The following SYNM variants were observed in gnomAD, a reference collection of about 807,000 sequenced individuals.
SYNM encodes the protein synemin, also known as desmuslin.
SYNM carries 95 observed loss-of-function variants against 104.0 expected under a neutral mutation model. That is an observed-to-expected ratio of 0.91 (90% confidence interval 0.77 to 1.08). The LOEUF (loss-of-function observed/expected upper bound fraction) is 1.08, where lower values mean the gene tolerates loss of function less well. SYNM is among the 50% of genes least tolerant of loss of function. The pLI, the probability that SYNM is intolerant of heterozygous loss-of-function variation, is 0.00. For missense variants in SYNM, 2,150 were observed against 2,052.2 expected (o/e 1.05, Z -0.92); for synonymous variants, 918 against 869.0 (o/e 1.06, Z -0.99).
chr15:99,113,219 T>G (rs2067316003), intron 1 of SYNM, among the ~76,000 whole-genome samples: 1 of 152,202 alleles, frequency 6.6e-6, no homozygotes, highest in Non-Finnish European at 1.5e-5. Flanking sequence ...ACCCCTGATT[T>G]CTAGTCTTGG....
intron 2 of SYNM, among the ~76,000 whole-genome samples, chr15:99,124,228 C>T (rs1226158743): frequency 7.9e-5 from 12 of 152,206 alleles, no homozygotes; most frequent in Non-Finnish European, 1.2e-4. Context: ...TAAAGTGGTA[C>T]GAACCTATTC....
intron 2 of SYNM, among the ~76,000 whole-genome samples, chr15:99,122,864 T>C (rs1294957162): frequency 6.6e-6 from 1 of 152,094 alleles, no homozygotes; most frequent in Admixed American, 6.6e-5. Context: ...ATAGAATATA[T>C]AATTGAAAGG....
rs1555482623 is a variant in SYNM at position 99,105,848 on chromosome 15, C to G, written c.649C>G (p.Gln217Glu). ...RELEEALRRG[Q>E]ESRLQAEEET... is the part of the protein sequence containing the mutation. The stretch of plus-strand genomic sequence containing the variant: ...GCTGGAGGAGGCGCTGCGGCGCGGC[C>G]AGGAGAGCAGACTCCAGGCGGAGGA... Residue 217 changes from glutamine (Q) to glutamate (E), a missense_variant, in exon 1 of 4, where the codon CAG (glutamine) becomes GAG (glutamate). Coordinates refer to ENST00000336292, the MANE Select transcript of SYNM (RefSeq NM_145728.3). The G allele has an allele frequency of 6.5e-7, 1 of 1,542,142 alleles. No homozygotes were observed. The highest frequency in any genetic ancestry group is 2.0e-5 in the Admixed American group (1 of 50,872).
At chr15:99,139,458 T>C, downstream of SYNM, 1 of 1,610,108 alleles carries the variant, frequency 6.2e-7, no homozygotes, top group Non-Finnish European at 8.5e-7. Flanking sequence ...AGCAGGAAAC[T>C]AAGGTCTCCC....
At chr15:99,128,986 T>G (rs2067472469) in intron 3 of SYNM, 1 of 193,344 alleles carries the variant, frequency 5.2e-6, no homozygotes. Flanking sequence ...TAAATTAAAC[T>G]TACCTCAAAA....
rs1476639450 is a variant in SYNM at position 99,133,220 on chromosome 15, G to A, written c.*162G>A. On this transcript the variant is annotated 3_prime_UTR_variant, in exon 4 of 4. Coordinates refer to ENST00000336292, the MANE Select transcript of SYNM (RefSeq NM_145728.3). ...GGTCAATTTCCTTTATAGTTAATCCGTAAAGGTTTCCAGTTAATTCATGCC... is the reference window on the plus strand; with the variant it reads ...GGTCAATTTCCTTTATAGTTAATCCATAAAGGTTTCCAGTTAATTCATGCC... The A allele has an allele frequency of 1.6e-5, 22 of 1,386,330 alleles. 1 individual carries two copies. The Middle Eastern group carries it at 1.5e-3, about 94-fold the overall frequency. The allele number at this position is 1,386,330 out of a possible 1,614,324, so 85.9% of individuals were successfully genotyped here.
intron 1 of SYNM, among the ~76,000 whole-genome samples, chr15:99,107,678 A>G (rs1162847231): frequency 2.0e-5 from 3 of 152,186 alleles, no homozygotes; most frequent in Non-Finnish European, 2.9e-5. Flanking sequence ...TGTGAGCCAT[A>G]TGAAAGCAGA....
chr15:99,130,490 G>A lies in SYNM; in HGVS notation c.2130G>A (p.Lys710=), dbSNP rs1555485617. 1 of 1,613,900 alleles carries A rather than the reference G, an allele frequency of 6.2e-7. No individual in the cohort carries two copies. The highest frequency in any genetic ancestry group is 1.1e-5 in the South Asian group (1 of 91,076). Residue 710 remains lysine, a synonymous_variant, in exon 4 of 4, where the codon AAG becomes AAA. Coordinates refer to ENST00000336292, the MANE Select transcript of SYNM (RefSeq NM_145728.3). ...DEAGLDYLLS[K]DIKEVGLKGK... ...CTGGCCTGGACTACCTTTTAAGCAA[G>A]GATATTAAGGAAGTGGGGCTGAAAG...
At position 99,131,755 on chromosome 15, in the gene SYNM, C is replaced by T; in HGVS notation, c.3395C>T (p.Ser1132Phe). The change falls in exon 4 of 4, where the codon TCT (serine) becomes TTT (phenylalanine). Residue 1132 changes from serine to phenylalanine, a missense_variant. Coordinates refer to ENST00000336292, the MANE Select transcript of SYNM (RefSeq NM_145728.3). The surrounding 1 kb of genome is among the most constrained non-coding windows in gnomAD (Gnocchi z 4.3). ...GCAAGGCACATAAAACTCGGCCCCT[C>T]TGAAGTCTGGAGGACTGAGCGAATG... ...QAARHIKLGP[S>F]EVWRTERMSY... is the part of the protein sequence containing the mutation. The T allele has an allele frequency of 6.2e-7, 1 of 1,614,002 alleles. No homozygotes were observed. Among genetic ancestry groups the T allele is most frequent in the Admixed American group, 1.7e-5 (1 of 60,036 alleles).
At chr15:99,122,587 G>A (rs554228586) in intron 2 of SYNM, among the ~76,000 whole-genome samples, 3 of 152,314 alleles carry the variant, frequency 2.0e-5, no homozygotes, top group East Asian at 1.9e-4. Flanking sequence ...TGTAATCCTA[G>A]CACTTTGGGA....
At chr15:99,111,556 G>A (rs2067299887) in intron 1 of SYNM, among the ~76,000 whole-genome samples, 1 of 152,148 alleles carries the variant, frequency 6.6e-6, no homozygotes, top group South Asian at 2.1e-4. Context: ...GCCAGCTGTG[G>A]GATCTGTTAT....
chr15:99,132,489 T>A lies in SYNM; in HGVS notation c.4129T>A (p.Ser1377Thr), dbSNP rs1437203469. The A allele has an allele frequency of 6.2e-7, 1 of 1,614,050 alleles. No individual in the cohort carries two copies. The highest frequency in any genetic ancestry group is 2.2e-5 in the East Asian group (1 of 44,886). Residue 1377 changes from serine to threonine, a missense_variant, in exon 4 of 4, where the codon TCT (serine) becomes ACT (threonine). Coordinates refer to ENST00000336292, the MANE Select transcript of SYNM (RefSeq NM_145728.3). ...AAAGAGCACCTTCCAAAGTGTCGTTTCTGAATCTCCCCAGGAGGATAGTGC... is the reference window on the plus strand; with the variant it reads ...AAAGAGCACCTTCCAAAGTGTCGTTACTGAATCTCCCCAGGAGGATAGTGC... The part of the protein sequence containing the change: ...TEKSTFQSVV[S>T]ESPQEDSAED...
At chr15:99,118,721 A>T (rs2067372727) in intron 2 of SYNM, among the ~76,000 whole-genome samples, 1 of 152,030 alleles carries the variant, frequency 6.6e-6, no homozygotes, top group South Asian at 2.1e-4. Context: ...TAAACATAAG[A>T]TAATAAAATT....
At position 99,132,492 on chromosome 15, in the gene SYNM, G is replaced by C. The variant is rs781998907; in HGVS notation, c.4132G>C (p.Glu1378Gln). 1.2e-6 allele frequency: 2 copies of C among 1,614,014 alleles called. No homozygotes were observed. The highest frequency in any genetic ancestry group is 1.7e-6 in the Non-Finnish European group (2 of 1,179,896). Reference protein sequence around the residue: ...EKSTFQSVVSESPQEDSAEDT... With the variant: ...EKSTFQSVVSQSPQEDSAEDT... ...GAGCACCTTCCAAAGTGTCGTTTCTGAATCTCCCCAGGAGGATAGTGCAGA... is the reference window on the plus strand; with the variant it reads ...GAGCACCTTCCAAAGTGTCGTTTCTCAATCTCCCCAGGAGGATAGTGCAGA... Residue 1378 changes from glutamate (E) to glutamine (Q), a missense_variant, in exon 4 of 4, where the codon GAA becomes CAA. Coordinates refer to ENST00000336292, the MANE Select transcript of SYNM (RefSeq NM_145728.3).
chr15:99,133,164 T>C lies in SYNM; in HGVS notation c.*106T>C. ...GAGGGAGTCTATGAAAATCTCCCCTTTTTTACTTTTTTAAAGAGTACTCCC... is the reference window on the plus strand; with the variant it reads ...GAGGGAGTCTATGAAAATCTCCCCTCTTTTACTTTTTTAAAGAGTACTCCC... On this transcript the variant is annotated 3_prime_UTR_variant, in exon 4 of 4. Coordinates refer to ENST00000336292, the MANE Select transcript of SYNM (RefSeq NM_145728.3). 1 of 1,508,320 alleles carries C rather than the reference T, an allele frequency of 6.6e-7. No homozygotes were observed. Among genetic ancestry groups the C allele is most frequent in the Non-Finnish European group, 8.8e-7 (1 of 1,137,000 alleles). 93.4% of individuals were successfully genotyped at this position (1,508,320 alleles called of 1,614,324 possible).
chr15:99,134,129 C>T lies in SYNM; in HGVS notation c.*1071C>T, dbSNP rs2151812525. 1 of 152,258 alleles carries T rather than the reference C, an allele frequency of 6.6e-6. No individual in the cohort carries two copies. Among genetic ancestry groups the T allele is most frequent in the East Asian group, 1.9e-4 (1 of 5,178 alleles). 9.4% of individuals were successfully genotyped at this position (152,258 alleles called of 1,614,324 possible). A position where few individuals can be genotyped will look rare whatever the true frequency, so the allele number is the denominator to read the frequency against. ...AGATGAATACAATAACAACCATGAACCCACCTCACGGAAGCTTTTTTTGCA... is the reference window on the plus strand; with the variant it reads ...AGATGAATACAATAACAACCATGAATCCACCTCACGGAAGCTTTTTTTGCA... On this transcript the variant is annotated 3_prime_UTR_variant, in exon 4 of 4. Coordinates refer to ENST00000336292, the MANE Select transcript of SYNM (RefSeq NM_145728.3).
chr15:99,119,864 A>G (rs922012107), intron 2 of SYNM, among the ~76,000 whole-genome samples: 58 of 152,372 alleles, frequency 3.8e-4, no homozygotes, highest in African/African-American at 1.4e-3. Context: ...TCCAGTGAAC[A>G]TGCGACTACA....
At chr15:99,112,135 A>G (rs977676745) in intron 1 of SYNM, among the ~76,000 whole-genome samples, 10 of 152,320 alleles carry the variant, frequency 6.6e-5, no homozygotes, top group African/African-American at 2.4e-4. Flanking sequence ...TTTATTATGG[A>G]CCCTCAGCAT....
rs570210660 is a variant in SYNM at position 99,123,068 on chromosome 15, C to G, written c.936-3654C>G. 9.9e-4 allele frequency among the ~76,000 whole-genome samples: 150 copies of G among 152,280 alleles called. 1 individual carries two copies. Among genetic ancestry groups the G allele is most frequent in the African/African-American group, 3.5e-3 (146 of 41,554 alleles). On this transcript the variant is annotated intron_variant, in intron 2 of 3. Transcript: ENST00000336292. ...TTAGTGAGCTCTTACTCTGTGACAGCCATGGTTCTGAGAACTTTCTGCTTC... is the reference window on the plus strand; with the variant it reads ...TTAGTGAGCTCTTACTCTGTGACAGGCATGGTTCTGAGAACTTTCTGCTTC...
Sources: gnomAD v4.1 joint callset for allele counts (sites outside exome capture counted in the v4.1 genomes callset) on GRCh38, gnomAD v4.1.1 for gene constraint, Gnocchi (gnomAD v3.1) non-coding constraint, MANE v1.5 for transcripts, NCBI Gene and HGNC (gene_info 2026-07-23, HGNC 2026-07-21) for gene names.